SLAIN2: variants seen among roughly 807,000 people sequenced by gnomAD.
SLAIN2 encodes the protein SLAIN family member 2, also known as SLAIN motif-containing protein 2.
SLAIN2 carries 31 observed loss-of-function variants against 56.6 expected under a neutral mutation model. The ratio of observed to expected loss-of-function variants is 0.55; its 90% confidence interval spans 0.41 to 0.74. SLAIN2 has a LOEUF of 0.74. SLAIN2 is among the 30% of genes least tolerant of loss of function. SLAIN2 has a pLI of 0.00. For synonymous variants in SLAIN2, 317 were observed against 284.9 expected (o/e 1.11, Z -1.13); for missense variants, 777 against 754.2 (o/e 1.03, Z -0.35).
intron 1 of SLAIN2, among the ~76,000 whole-genome samples, chr4:48,363,448 A>C (rs1297461586): frequency 1.1e-4 from 4 of 35,864 alleles, no homozygotes; most frequent in Admixed American, 2.8e-4. Context: ...GGGGGCTGAC[A>C]CCCCCACCTA....
intron 2 of SLAIN2, 106 bp from the exon 3 acceptor site, chr4:48,377,790 T>C (rs1345411018): frequency 8.3e-6 from 9 of 1,083,070 alleles, no homozygotes; most frequent in African/African-American, 1.6e-5. Context: ...TATTTCTTCA[T>C]TTAAATTGAG....
chr4:48,374,789 A>G (rs12649528), intron 2 of SLAIN2, among the ~76,000 whole-genome samples: 45,986 of 151,806 alleles, frequency 0.3, 7,925 homozygotes, highest in East Asian at 0.5. Context: ...AAGGGAATGA[A>G]CCAAATATGA....
At chr4:48,363,726 G>T (rs1287491273) in intron 1 of SLAIN2, among the ~76,000 whole-genome samples, 1 of 112,636 alleles carries the variant, frequency 8.9e-6, no homozygotes, top group Non-Finnish European at 2.0e-5. Flanking sequence ...CCCAGACGGG[G>T]CGGCTGGCCA....
At chr4:48,365,966 C>T (rs1414908161) in intron 1 of SLAIN2, among the ~76,000 whole-genome samples, 7 of 152,186 alleles carry the variant, frequency 4.6e-5, no homozygotes, top group African/African-American at 1.2e-4. Context: ...ACAAATTTTT[C>T]TCTAAGCACT....
chr4:48,364,148 C>A (rs1310376765), intron 1 of SLAIN2, among the ~76,000 whole-genome samples: 2 of 55,036 alleles, frequency 3.6e-5, no homozygotes, highest in Non-Finnish European at 8.2e-5. Flanking sequence ...AGGGTCTCCT[C>A]ACTTCTCAGA....
chr4:48,366,674 C>T (rs1715528908), intron 1 of SLAIN2, among the ~76,000 whole-genome samples: 1 of 152,072 alleles, frequency 6.6e-6, no homozygotes, highest in Admixed American at 6.6e-5. Flanking sequence ...TTGTAGACAA[C>T]GTTTCGTTGT....
At chr4:48,414,354 C>T (rs1316425362) in intron 6 of SLAIN2, among the ~76,000 whole-genome samples, 1 of 152,098 alleles carries the variant, frequency 6.6e-6, no homozygotes, top group Non-Finnish European at 1.5e-5. Context: ...TCATGTGTAG[C>T]AGACTAAAGG....
intron 1 of SLAIN2, among the ~76,000 whole-genome samples, chr4:48,344,287 G>C (rs932808290): frequency 6.6e-6 from 1 of 152,194 alleles, no homozygotes; most frequent in Admixed American, 6.5e-5. Flanking sequence ...GGTAAAAGTT[G>C]TAGGGGATGG....
rs761815322 is a variant in SLAIN2 at position 48,382,826 on chromosome 4, G to T, written c.1121G>T (p.Ser374Ile). The T allele has an allele frequency of 3.1e-6, 5 of 1,613,638 alleles. No individual in the cohort carries two copies. The highest frequency in any genetic ancestry group is 4.2e-6 in the Non-Finnish European group (5 of 1,179,854). Residue 374 changes from serine to isoleucine, a missense_variant, in exon 5 of 8, where the codon AGT (serine) becomes ATT (isoleucine). Ser to Ile is a moderately radical substitution (Grantham distance 142). Transcript: ENST00000264313. ...SRSPARGIEY[S>I]RVSPQPMISR... ...TCTCCTGCTCGGGGAATAGAATATA[G>T]TAGAGTGTCCCCACAGCCTATGATT...
In SLAIN2 at chr4:48,342,211, C is replaced by G. The variant is rs762517140; in HGVS notation, c.389+83C>G. The G allele has an allele frequency of 3.8e-6, 5 of 1,316,680 alleles. No individual in the cohort carries two copies. In the African/African-American group the frequency reaches 7.7e-5, roughly 20 times the overall value. The allele number at this position is 1,316,680 out of a possible 1,614,324, so 81.6% of individuals were successfully genotyped here. On this transcript the variant is annotated intron_variant, in intron 1 of 7. Coordinates refer to ENST00000264313, the MANE Select transcript of SLAIN2 (RefSeq NM_020846.2). ...TCCTCTGAGGGTCCCTCTGGTCGGG[C>G]GCCTCGCTTTGTGTAGCCGGGTCCG...
intron 1 of SLAIN2, among the ~76,000 whole-genome samples, chr4:48,363,757 C>A (rs1370759414): frequency 1.8e-5 from 2 of 110,904 alleles, no homozygotes; most frequent in African/African-American, 6.2e-5. Context: ...TGACCCCCCC[C>A]ACCTCCCTCC....
chr4:48,403,102 C>G (rs1318285220), intron 6 of SLAIN2, among the ~76,000 whole-genome samples: 1 of 152,216 alleles, frequency 6.6e-6, no homozygotes, highest in East Asian at 1.9e-4. Flanking sequence ...GAGCTCCGTC[C>G]CAGGGGGACA....
chr4:48,365,624 G>T (rs1715494147), intron 1 of SLAIN2, among the ~76,000 whole-genome samples: 1 of 151,554 alleles, frequency 6.6e-6, no homozygotes, highest in South Asian at 2.1e-4. Flanking sequence ...GCAGTGGCGG[G>T]ATCTTGGCTC....
intron 6 of SLAIN2, among the ~76,000 whole-genome samples, chr4:48,409,326 G>C (rs752681357): frequency 4.7e-4 from 72 of 151,900 alleles, no homozygotes; most frequent in Non-Finnish European, 9.0e-4. Context: ...CACCTCCCCC[G>C]ACCCTGCCAT....
At chr4:48,363,768 C>G (rs1214265971) in intron 1 of SLAIN2, among the ~76,000 whole-genome samples, 1 of 127,242 alleles carries the variant, frequency 7.9e-6, no homozygotes, top group Admixed American at 7.3e-5. Context: ...ACCTCCCTCC[C>G]GGACGGGGCG....
At chr4:48,360,932 T>G (rs1462393308) in intron 1 of SLAIN2, among the ~76,000 whole-genome samples, 1 of 152,230 alleles carries the variant, frequency 6.6e-6, no homozygotes, top group Non-Finnish European at 1.5e-5. Flanking sequence ...AGCATTTTTA[T>G]TGCCTCCAAC....
At chr4:48,342,787 T>C (rs546452474) in intron 1 of SLAIN2, among the ~76,000 whole-genome samples, 3 of 150,290 alleles carry the variant, frequency 2.0e-5, no homozygotes, top group East Asian at 2.0e-4. Context: ...TCTTATTTTC[T>C]AAAACAAGAA....
intron 6 of SLAIN2, among the ~76,000 whole-genome samples, chr4:48,387,051 T>G (rs1048613433): frequency 3.9e-5 from 6 of 152,176 alleles, no homozygotes; most frequent in African/African-American, 1.4e-4. Flanking sequence ...CTCAAAAGTT[T>G]ACATGATACA....
At chr4:48,366,419 A>G (rs1412552254) in intron 1 of SLAIN2, among the ~76,000 whole-genome samples, 2 of 152,162 alleles carry the variant, frequency 1.3e-5, no homozygotes, top group Admixed American at 1.3e-4. Flanking sequence ...TGAAACCCCA[A>G]AACAAAATTT....
Sources: gnomAD v4.1 joint callset for allele counts (sites outside exome capture counted in the v4.1 genomes callset) on GRCh38, gnomAD v4.1.1 for gene constraint, MANE v1.5 for transcripts, NCBI Gene and HGNC (gene_info 2026-07-23, HGNC 2026-07-21) for gene names.